The following DSCAM variants were observed in gnomAD, a reference collection of about 807,000 sequenced individuals.
DSCAM encodes cell adhesion molecule DSCAM.
A neutral mutation model predicts 217.7 loss-of-function variants in DSCAM; 47 were observed. The ratio of observed to expected loss-of-function variants is 0.22; its 90% CI spans 0.17 to 0.28. The LOEUF is 0.28. Ranked by LOEUF, DSCAM falls within the 10% of genes least tolerant of loss-of-function variation. The pLI is 1.00. For synonymous variants in DSCAM, 1,056 were observed against 1,015.3 expected, an observed-to-expected ratio of 1.04 and a Z score of -0.76; for missense variants, 2,080 against 2,618.3, an observed-to-expected ratio of 0.79 and a Z score of 4.49.
intron 20 of DSCAM, among the ~76,000 whole-genome samples, chr21:40,117,280 G>T (rs1162163377): frequency 2.0e-5 from 3 of 152,120 alleles, no homozygotes; most frequent in Non-Finnish European, 4.4e-5. Flanking sequence ...CACAATACCA[G>T]GTTTGCCAGT....
chr21:40,042,304 A>C, intron 32 of DSCAM, 67 bp downstream of exon 32: 1 of 1,542,460 alleles, frequency 6.5e-7, no homozygotes, highest in South Asian at 1.2e-5. Flanking sequence ...CTTTCACAGC[A>C]GATGAGGGAG....
intron 3 of DSCAM, among the ~76,000 whole-genome samples, chr21:40,380,945 C>G (rs1027389607): frequency 1.3e-5 from 2 of 151,696 alleles, no homozygotes; most frequent in Admixed American, 6.6e-5. Flanking sequence ...CGCCTGTAGT[C>G]CCAGCTGCTC....
At chr21:40,014,208 T>A (rs1486309704) in intron 32 of DSCAM, among the ~76,000 whole-genome samples, 3 of 152,118 alleles carry the variant, frequency 2.0e-5, no homozygotes, top group East Asian at 1.9e-4. Flanking sequence ...CAGGCCAACA[T>A]GGCAAAACCC....
intron 3 of DSCAM, among the ~76,000 whole-genome samples, chr21:40,422,937 C>T (rs567847235): frequency 6.6e-5 from 10 of 152,214 alleles, no homozygotes; most frequent in East Asian, 1.9e-4. Flanking sequence ...GTAATTATAA[C>T]GACACAATTT....
At chr21:40,281,567 T>G (rs2073760139) in intron 10 of DSCAM, among the ~76,000 whole-genome samples, 1 of 152,196 alleles carries the variant, frequency 6.6e-6, no homozygotes, top group African/African-American at 2.4e-5. Flanking sequence ...ATTACCATAT[T>G]TACAATAAAC....
intron 32 of DSCAM, among the ~76,000 whole-genome samples, chr21:40,027,202 GC>G (rs1433714428): frequency 5.9e-5 from 9 of 152,296 alleles, no homozygotes; most frequent in Non-Finnish European, 1.0e-4. Flanking sequence ...TTGAATATTG[GC>G]CCCCACTCTC....
chr21:40,565,531 T>C (rs2076757795), intron 3 of DSCAM, among the ~76,000 whole-genome samples: 1 of 152,200 alleles, frequency 6.6e-6, no homozygotes, highest in South Asian at 2.1e-4. Context: ...AAGTGACATA[T>C]CACACTTACA....
intron 3 of DSCAM, among the ~76,000 whole-genome samples, chr21:40,651,445 A>G (rs1311105338): frequency 1.3e-5 from 2 of 152,190 alleles, no homozygotes; most frequent in Admixed American, 6.5e-5. Context: ...AACTGCTCCA[A>G]GGATTGGGAA....
chr21:40,490,660 G>T (rs116035932), intron 3 of DSCAM, among the ~76,000 whole-genome samples: 2,761 of 152,284 alleles, frequency 0.018, 77 homozygotes, highest in African/African-American at 0.062. Context: ...GGCAGTGCAG[G>T]CAGGAGCTTC....
intron 1 of DSCAM, among the ~76,000 whole-genome samples, chr21:40,731,492 CAG>C (rs1247231323): frequency 6.6e-6 from 1 of 152,106 alleles, no homozygotes; most frequent in Non-Finnish European, 1.5e-5. Context: ...GCTTAAACAA[CAG>C]AAATATTTTT....
chr21:40,279,892 C>T (rs2073736645), intron 10 of DSCAM, among the ~76,000 whole-genome samples: 1 of 151,858 alleles, frequency 6.6e-6, no homozygotes, highest in Non-Finnish European at 1.5e-5. Flanking sequence ...TGTTCTCACT[C>T]ATAAGTAGGA....
At position 40,347,960 on chromosome 21, in the gene DSCAM, A is replaced by G. The variant is rs1569077201; in HGVS notation, c.935-15T>C. ...TTTCAGTGGCTCTGGAGGTTTTAGT[A>G]AGAGAGAGAGAAAAAAGATAAAAAC... On this transcript the variant is annotated splice_polypyrimidine_tract_variant and intron_variant, in intron 5 of 32. Coordinates refer to ENST00000400454, the MANE Select transcript of DSCAM (RefSeq NM_001389.5). 3 of 1,601,998 alleles carry G rather than the reference A, an allele frequency of 1.9e-6. No individual in the cohort carries two copies. The highest frequency in any genetic ancestry group is 2.2e-5 in the East Asian group (1 of 44,678).
chr21:40,463,662 T>C (rs2075822691), intron 3 of DSCAM, among the ~76,000 whole-genome samples: 1 of 152,190 alleles, frequency 6.6e-6, no homozygotes, highest in Admixed American at 6.6e-5. Flanking sequence ...TTGGTCCCCA[T>C]GCTGGCTTTC....
intron 3 of DSCAM, among the ~76,000 whole-genome samples, chr21:40,614,108 C>T (rs866780319): frequency 1.3e-5 from 2 of 152,296 alleles, no homozygotes; most frequent in South Asian, 4.1e-4. Context: ...CTGGCACTGC[C>T]CCCGGGGGCC....
Position 40,248,501 on chromosome 21 carries a change from A to G in DSCAM, c.2356+27596T>C, listed in dbSNP as rs896171509. Among the ~76,000 whole-genome samples, 82 of 152,318 alleles carry G rather than the reference A, an allele frequency of 5.4e-4. 1 individual carries two copies. The highest frequency in any genetic ancestry group is 1.9e-3 in the African/African-American group (79 of 41,574). On this transcript the variant is annotated intron_variant, in intron 11 of 32. Transcript: ENST00000400454. The stretch of plus-strand genomic sequence containing the variant: ...GCAAAATGCTGCCAGTCTCTTTGCT[A>G]AAATATTATAAGTGTCACCTTTGCT...
chr21:40,756,558 A>ATT lies in DSCAM; in HGVS notation c.44-47789_44-47788dup, dbSNP rs148771867. 2.8e-3 allele frequency among the ~76,000 whole-genome samples: 419 copies of ATT among 151,026 alleles called. 5 individuals carry two copies. In the South Asian group the frequency reaches 0.031, roughly 11 times the overall value. On this transcript the variant is annotated intron_variant, in intron 1 of 32. Transcript: ENST00000400454. ...AGGCTCCTGCCACAATGCCCAGCTA[A>ATT]TTTTTGTATTTTTAGCACAGATGGG...
At chr21:40,470,116 C>G (rs1052262343) in intron 3 of DSCAM, among the ~76,000 whole-genome samples, 24 of 152,106 alleles carry the variant, frequency 1.6e-4, no homozygotes, top group Non-Finnish European at 7.4e-5. Flanking sequence ...ACCACAATGA[C>G]GTAAGTCATG....
chr21:40,462,803 C>G (rs143168963), intron 3 of DSCAM, among the ~76,000 whole-genome samples: 1 of 152,244 alleles, frequency 6.6e-6, no homozygotes, highest in African/African-American at 2.4e-5. Context: ...AAAGCTAGAG[C>G]AGAATTCCCA....
chr21:40,502,435 G>C (rs2076176928), intron 3 of DSCAM, among the ~76,000 whole-genome samples: 1 of 152,164 alleles, frequency 6.6e-6, no homozygotes, highest in Non-Finnish European at 1.5e-5. Context: ...ATTATCTATA[G>C]TTCTGTAGGC....
Sources: allele counts gnomAD v4.1 joint callset (sites outside exome capture counted in the v4.1 genomes callset), GRCh38; gene constraint gnomAD v4.1.1; transcripts MANE v1.5; gene names NCBI Gene and HGNC (gene_info 2026-07-23, HGNC 2026-07-21).